The following PLXNB3 variants were observed in gnomAD, a reference collection of about 807,000 sequenced individuals.
PLXNB3 encodes the protein plexin B3.
A neutral mutation model predicts 125.7 loss-of-function variants in PLXNB3; 80 were observed. The observed-to-expected ratio is 0.64, with a 90% CI of 0.53 to 0.77. PLXNB3 has a LOEUF of 0.77. Ranked by LOEUF, PLXNB3 falls within the 30% of genes least tolerant of loss-of-function variation. The probability of loss-of-function intolerance (pLI) is 0.00; values close to 1 mark genes in which losing one functional copy is unlikely to be tolerated. For synonymous variants in PLXNB3, 954 were observed against 783.3 expected (o/e 1.22, Z -3.64); for missense variants, 1,836 against 1,729.3 (o/e 1.06, Z -1.09).
rs781899617 is a variant in PLXNB3, at chrX:153,773,474, T to C, written c.3084-44T>C. On this transcript the variant is annotated intron_variant, in intron 18 of 35. Transcript: ENST00000361971. ...GGAAGGTGGGATGCGGGCTGGGCTA[T>C]GTTGCCCACCGCCCGCCCACACCCG... The C allele has an allele frequency of 4.2e-6, 5 of 1,180,935 alleles. No individual in the cohort carries two copies. In the African/African-American group the frequency reaches 7.0e-5, roughly 17 times the overall value.
In PLXNB3 at chrX:153,776,125, C is replaced by A; in HGVS notation, c.4640C>A (p.Thr1547Asn). ...RVPARVLDTD[T>N]ITQVKEKVLD... is the part of the protein sequence containing the mutation. The stretch of plus-strand genomic sequence containing the variant: ...CCAGCCCGGGTGCTCGACACGGACA[C>A]CATCACCCAGGTCAAGGAGAAGGTG... Residue 1547 changes from threonine (T) to asparagine (N), a missense_variant, in exon 27 of 36, where the codon ACC becomes AAC. Transcript: ENST00000361971. 8.3e-7 allele frequency: 1 copy of A among 1,204,516 alleles called. No homozygotes were observed. Among genetic ancestry groups the A allele is most frequent in the East Asian group, 3.0e-5 (1 of 33,365 alleles).
chrX:153,769,838 G>C lies in PLXNB3; in HGVS notation c.1528G>C (p.Gly510Arg). The C allele has an allele frequency of 8.3e-7, 1 of 1,205,318 alleles. No homozygotes were observed. The highest frequency in any genetic ancestry group is 1.1e-6 in the Non-Finnish European group (1 of 893,268). Residue 510 changes from glycine to arginine, a missense_variant, in exon 7 of 36, where the codon GGC becomes CGC. Transcript: ENST00000361971. ...CTRKGQCGRA[G>R]QLNQWLWSYE... ...CCGGAAGGGCCAGTGCGGGCGGGCA[G>C]GCCAGCTGAACCAGTGGCTGTGGAG...
In PLXNB3 at chrX:153,775,372, G is replaced by A. The variant is rs782577261; in HGVS notation, c.4303G>A (p.Val1435Met). 5.8e-6 allele frequency: 7 copies of A among 1,208,193 alleles called. No individual in the cohort carries two copies. The highest frequency in any genetic ancestry group is 6.7e-6 in the Non-Finnish European group (6 of 894,094). Residue 1435 changes from valine to methionine, a missense_variant, in exon 25 of 36, where the codon GTG (valine) becomes ATG (methionine). Coordinates refer to ENST00000361971, the MANE Select transcript of PLXNB3 (RefSeq NM_005393.3). ...GCTGGGTGACCTGGCGGCCCATTAC[G>A]TGCACAGGAACCCCAAGCTCATGCT... ...TLLGDLAAHY[V>M]HRNPKLMLRR...
Position 153,770,103 on chromosome X carries a change from T to C in PLXNB3, c.1641T>C (p.Ser547=). ...CCGCTGCATCCCAGGTCACTTTGTCTGTCCCCCGGCTGCCCATCCTGGATG... is the reference window on the plus strand; with the variant it reads ...CCGCTGCATCCCAGGTCACTTTGTCCGTCCCCCGGCTGCCCATCCTGGATG... ...PRQEQGQVTL[S]VPRLPILDAD... The change falls in exon 8 of 36, where the codon TCT becomes TCC. Residue 547 remains serine (S), a synonymous_variant. Transcript: ENST00000361971. 8.3e-7 allele frequency: 1 copy of C among 1,211,143 alleles called. No homozygotes were observed.
intron 16 of PLXNB3, chrX:153,772,569 G>C: frequency 6.6e-6 from 4 of 605,789 alleles, no homozygotes; most frequent in Non-Finnish European, 9.4e-6. Context: ...TGCCCAAAGA[G>C]GCAACTGGAT....
intron 16 of PLXNB3, 81 bp from the exon 17 acceptor site, chrX:153,772,805 C>T (rs2091947072): frequency 2.9e-6 from 3 of 1,042,639 alleles, no homozygotes; most frequent in Non-Finnish European, 3.7e-6. Flanking sequence ...GCTTCAGAAC[C>T]GGAGGGCCTT....
Position 153,774,065 on chromosome X carries a change from C to A in PLXNB3, c.3486C>A (p.Tyr1162Ter). 2 of 1,189,610 alleles carry A rather than the reference C, an allele frequency of 1.7e-6. No individual in the cohort carries two copies. The highest frequency in any genetic ancestry group is 2.3e-6 in the Non-Finnish European group (2 of 884,388). The change falls in exon 20 of 36, where the codon TAC becomes TAA. Residue 1162 changes from tyrosine to a stop codon, truncating the protein, a stop_gained. Coordinates refer to ENST00000361971, the MANE Select transcript of PLXNB3 (RefSeq NM_005393.3). LOFTEE classifies it high-confidence loss of function. ...PLSREGPARP[Y>*]RLKPGHVLDV... ...GCCGCGAGGGGCCTGCCCGCCCCTA[C>A]CGCCTCAAGCCAGGCCATGTCCTGG...
rs781896492 is a variant in PLXNB3, at chrX:153,767,455, G to A, written c.628G>A (p.Gly210Arg). The change falls in exon 3 of 36, where the codon GGG becomes AGG. Residue 210 changes from glycine to arginine, a missense_variant. By Grantham distance (125) the Gly-to-Arg change is moderately radical (BLOSUM62 -2). Transcript: ENST00000361971. ...VPPLAIRQLA[G>R]SQPFSSEGLG... ...ACCCCTGGCCATCCGCCAGCTGGCC[G>A]GGTCTCAGCCCTTCTCCAGCGAGGG... is the stretch of plus-strand genomic sequence containing the variant. The A allele has an allele frequency of 5.9e-6, 7 of 1,192,463 alleles. No individual in the cohort carries two copies. The highest frequency in any genetic ancestry group is 1.7e-5 in the African/African-American group (1 of 57,150).
chrX:153,767,704 T>C lies in PLXNB3; in HGVS notation c.877T>C (p.Phe293Leu). ...GGGCCAGGGCCTCATCCAGGCCGCC[T>C]TCCTTGCCCCGGGCACCTTGCTAGG... ...CQGQGLIQAA[F>L]LAPGTLLGVF... Residue 293 changes from phenylalanine (F) to leucine (L), a missense_variant, in exon 3 of 36, where the codon TTC (phenylalanine) becomes CTC (leucine). Coordinates refer to ENST00000361971, the MANE Select transcript of PLXNB3 (RefSeq NM_005393.3). 1 of 1,182,704 alleles carries C rather than the reference T, an allele frequency of 8.5e-7. No individual in the cohort carries two copies. The highest frequency in any genetic ancestry group is 1.1e-6 in the Non-Finnish European group (1 of 880,869).
intron 16 of PLXNB3, 62 bp downstream of exon 16, chrX:153,772,349 AG>A: frequency 1.2e-6 from 1 of 851,536 alleles, no homozygotes; most frequent in Non-Finnish European, 1.7e-6. Flanking sequence ...CAGGAAGGAC[AG>A]GCGCCTAGTA....
chrX:153,770,032 T>A (rs1207147512), intron 7 of PLXNB3, 60 bp from the exon 8 acceptor site: 2 of 1,192,446 alleles, frequency 1.7e-6, no homozygotes, highest in South Asian at 1.8e-5. Context: ...TCCTCTCCCA[T>A]GGCCTCTGCT....
In PLXNB3 at chrX:153,775,212, G is replaced by C. The variant is rs377129426; in HGVS notation, c.4156-13G>C. ...GTGGGGCTTCCCAGGATGAGCCTCC[G>C]ACCCCTGCTCAGCTCATCCACACCC... On this transcript the variant is annotated splice_polypyrimidine_tract_variant and intron_variant, in intron 24 of 35. Transcript: ENST00000361971. 8 of 1,163,762 alleles carry C rather than the reference G, an allele frequency of 6.9e-6. No individual in the cohort carries two copies. The highest frequency in any genetic ancestry group is 9.2e-6 in the Non-Finnish European group (8 of 870,512).
At chrX:153,764,928 C>A (rs782407421) in intron 1 of PLXNB3, among the ~76,000 whole-genome samples, 5 of 113,121 alleles carry the variant, frequency 4.4e-5, no homozygotes, top group Non-Finnish European at 7.5e-5. Flanking sequence ...CCTGGCACCA[C>A]TTCACCAGTC....
At chrX:153,777,922 C>G (rs376356363) in intron 31 of PLXNB3, 26 bp from the exon 32 acceptor site, 1 of 1,189,781 alleles carries the variant, frequency 8.4e-7, no homozygotes, top group Non-Finnish European at 1.1e-6. Flanking sequence ...CAGGGCCTCA[C>G]GCCCACGCCT....
Position 153,765,599 on chromosome X carries a change from T to C in PLXNB3, c.45+19T>C, listed in dbSNP as rs1257012772. ...CTTCATGGTAAGTGCCCAGGCCCGG[T>C]GTCCCCAGAAATGTTCCTGGGAGGG... On this transcript the variant is annotated intron_variant, in intron 2 of 35. Transcript: ENST00000361971. The C allele has an allele frequency of 8.5e-7, 1 of 1,182,762 alleles. No individual in the cohort carries two copies.
In PLXNB3 at chrX:153,778,612, G is replaced by A; in HGVS notation, c.5563G>A (p.Ala1855Thr). The A allele has an allele frequency of 8.3e-7, 1 of 1,203,595 alleles. No individual in the cohort carries two copies. Among genetic ancestry groups the A allele is most frequent in the South Asian group, 1.8e-5 (1 of 55,793 alleles). Residue 1855 changes from alanine (A) to threonine (T), a missense_variant, in exon 35 of 36, where the codon GCT becomes ACT. Physicochemically the swap from Ala to Thr is moderately conservative, Grantham distance 58 (BLOSUM62 0). Transcript: ENST00000361971. ...GTGGTGCCCCCAGAACTACACTTCT[G>A]CTCCCCACTGTCTGGAGGCTCTGCA... is the stretch of plus-strand genomic sequence containing the variant. ...LAELSGNYTS[A>T]PHCLEALQEL...
At position 153,775,378 on chromosome X, in the gene PLXNB3, A is replaced by C. The variant is rs1193032286; in HGVS notation, c.4309A>C (p.Arg1437=). 9 of 1,206,497 alleles carry C rather than the reference A, an allele frequency of 7.5e-6. No individual in the cohort carries two copies. Among genetic ancestry groups the C allele is most frequent in the Non-Finnish European group, 9.0e-6 (8 of 893,602 alleles). The stretch of plus-strand genomic sequence containing the variant: ...TGACCTGGCGGCCCATTACGTGCAC[A>C]GGAACCCCAAGCTCATGCTACGCAG... ...LGDLAAHYVH[R]NPKLMLRRTE... The change falls in exon 25 of 36, where the codon AGG becomes CGG. Residue 1437 remains arginine (R), a synonymous_variant. Transcript: ENST00000361971.
Position 153,773,710 on chromosome X carries a change from G to A in PLXNB3, c.3276G>A (p.Leu1092=), listed in dbSNP as rs781794767. 6.0e-6 allele frequency: 7 copies of A among 1,162,809 alleles called. 1 individual carries two copies. The Middle Eastern group carries it at 8.8e-4, about 146-fold the overall frequency. The change falls in exon 19 of 36, where the codon CTG becomes CTA. Residue 1092 remains leucine (L), a synonymous_variant. Coordinates refer to ENST00000361971, the MANE Select transcript of PLXNB3 (RefSeq NM_005393.3). ...QACIQLGGGL[L]QCSTVCSVNS... ...GTATCCAGCTCGGTGGGGGGCTGCT[G>A]CAGGTGAGCCCCTCACCAGCAGGCG...
intron 25 of PLXNB3, 51 bp from the exon 26 acceptor site, chrX:153,775,543 T>C: frequency 1.7e-6 from 2 of 1,171,336 alleles, no homozygotes; most frequent in Middle Eastern, 2.4e-4. Context: ...TGAGATGTCC[T>C]CAGCAGGGAC....
Sources: gnomAD v4.1 joint callset for allele counts (sites outside exome capture counted in the v4.1 genomes callset) on GRCh38, gnomAD v4.1.1 for gene constraint, MANE v1.5 for transcripts, NCBI Gene and HGNC (gene_info 2026-07-23, HGNC 2026-07-21) for gene names.